AHNAK2: variants seen among roughly 807,000 people sequenced by gnomAD.
AHNAK2 encodes AHNAK nucleoprotein 2.
AHNAK2 carries 18 observed loss-of-function variants against 30.7 expected under a neutral mutation model. The ratio of observed to expected loss-of-function variants is 0.59; its 90% CI spans 0.41 to 0.87. The LOEUF (loss-of-function observed/expected upper bound fraction) is 0.87. Ranked by LOEUF, AHNAK2 falls within the 40% of genes least tolerant of loss-of-function variation. The pLI, the probability that AHNAK2 is intolerant of heterozygous loss-of-function variation, is 0.00. For synonymous variants in AHNAK2, 3,590 were observed against 3,073.8 expected, an observed-to-expected ratio of 1.17 and a Z score of -5.56; for missense variants, 8,604 against 7,373.0, an observed-to-expected ratio of 1.17 and a Z score of -6.11.
At position 104,945,518 on chromosome 14, in the gene AHNAK2, G is replaced by C. The variant is rs1255776931; in HGVS notation, c.9933C>G (p.Pro3311=). The C allele has an allele frequency of 1.9e-6, 3 of 1,612,592 alleles. No individual in the cohort carries two copies. Among genetic ancestry groups the C allele is most frequent in the African/African-American group, 1.3e-5 (1 of 74,524 alleles). ...CCCTGTACGACGGCATCTTGAATTT[G>C]GGCATTTTGAACTTGCTGTCTTTGG... ...VTAKDSKFKM[P]KFKMPSYRAS... is the part of the protein sequence containing the mutation. The change falls in exon 7 of 7, where the codon CCC becomes CCG. Residue 3311 remains proline, a synonymous_variant. Coordinates refer to ENST00000333244, the MANE Select transcript of AHNAK2 (RefSeq NM_138420.4).
At chr14:104,970,716 G>GC (rs1192954642) in intron 1 of AHNAK2, among the ~76,000 whole-genome samples, 49 of 151,860 alleles carry the variant, frequency 3.2e-4, no homozygotes, top group South Asian at 4.2e-4. Context: ...CACCCTGAGT[G>GC]CCCACCCCCA....
Position 104,941,198 on chromosome 14 carries a change from A to T in AHNAK2, c.14253T>A (p.Ala4751=), listed in dbSNP as rs767592304. 2 of 1,613,630 alleles carry T rather than the reference A, an allele frequency of 1.2e-6. No homozygotes were observed. The highest frequency in any genetic ancestry group is 1.7e-6 in the Non-Finnish European group (2 of 1,179,910). Residue 4751 remains alanine (A), a synonymous_variant, in exon 7 of 7, where the codon GCT becomes GCA. Transcript: ENST00000333244. ...GCATCTGCATGGATGGCTCTGAACAAGCCGAAACCTGTTGTAATTCAAAAC... is the reference window on the plus strand; with the variant it reads ...GCATCTGCATGGATGGCTCTGAACATGCCGAAACCTGTTGTAATTCAAAAC... The part of the protein sequence containing the change: ...CSSFELQQVS[A]CSEPSMQMPK...
chr14:104,975,989 C>A (rs939218491), intron 1 of AHNAK2, among the ~76,000 whole-genome samples: 5 of 152,214 alleles, frequency 3.3e-5, no homozygotes, highest in African/African-American at 1.2e-4. Context: ...AGAGAAGAGA[C>A]CACCCACACA....
At position 104,952,816 on chromosome 14, in the gene AHNAK2, T is replaced by A. The variant is rs779600329; in HGVS notation, c.2635A>T (p.Thr879Ser). The A allele has an allele frequency of 1.9e-6, 3 of 1,612,082 alleles. 1 individual carries two copies. In the African/African-American group the frequency reaches 4.0e-5, roughly 22 times the overall value. The change falls in exon 7 of 7, where the codon ACT (threonine) becomes TCT (serine). Residue 879 changes from threonine (T) to serine (S), a missense_variant. Coordinates refer to ENST00000333244, the MANE Select transcript of AHNAK2 (RefSeq NM_138420.4). ...GAAGGGGGCTGAATGCTGAGGTCAG[T>A]GGCCTTGAGGTCCCCCTGCATGGAG... ...LSSMQGDLKATDLSIQPPSAD... is the reference protein window; with the variant it reads ...LSSMQGDLKASDLSIQPPSAD...
intron 1 of AHNAK2, among the ~76,000 whole-genome samples, chr14:104,967,609 G>A (rs112304260): frequency 5.5e-4 from 84 of 152,322 alleles, no homozygotes; most frequent in African/African-American, 1.6e-3. Flanking sequence ...CTCAGCCACC[G>A]CACTGGGAGC....
At position 104,948,111 on chromosome 14, in the gene AHNAK2, G is replaced by C; in HGVS notation, c.7340C>G (p.Pro2447Arg). Residue 2447 changes from proline (P) to arginine (R), a missense_variant, in exon 7 of 7, where the codon CCC (proline) becomes CGC (arginine). Physicochemically the swap from Pro to Arg is moderately radical, Grantham distance 103 (BLOSUM62 -2). Transcript: ENST00000333244. ...VMAPDVEVSQPSVEVDVEAPG... is the reference protein window; with the variant it reads ...VMAPDVEVSQRSVEVDVEAPG... ...GGCCTCGACATCCACCTCCACGCTG[G>C]GCTGAGACACCTCCACGTCGGGGGC... 1 of 1,612,518 alleles carries C rather than the reference G, an allele frequency of 6.2e-7. No homozygotes were observed. The highest frequency in any genetic ancestry group is 8.5e-7 in the Non-Finnish European group (1 of 1,179,604).
In AHNAK2 at chr14:104,954,140, C is replaced by T. The variant is rs201328766; in HGVS notation, c.1311G>A (p.Lys437=). 1 of 1,611,086 alleles carries T rather than the reference C, an allele frequency of 6.2e-7. No homozygotes were observed. Among genetic ancestry groups the T allele is most frequent in the African/African-American group, 1.3e-5 (1 of 75,048 alleles). Residue 437 remains lysine (K), a synonymous_variant, in exon 7 of 7, where the codon AAG becomes AAA. Transcript: ENST00000333244. This position sits in a 1 kb window ranked among gnomAD's most constrained non-coding sequence, Gnocchi z 4.3. ...TTCCAGGAGTTGGCTGGGCCCTGGG[C>T]TTCCTCTGGGCCACTGCTGTCTCCT... ...QAQETAVAQR[K]PRAQPTPGMS... is the part of the protein sequence containing the mutation.
rs776549092 is a variant in AHNAK2 at position 104,952,434 on chromosome 14, G to A, written c.3017C>T (p.Pro1006Leu). The change falls in exon 7 of 7, where the codon CCG becomes CTG. Residue 1006 changes from proline (P) to leucine (L), a missense_variant. By Grantham distance (98) the Pro-to-Leu change is moderately conservative. Coordinates refer to ENST00000333244, the MANE Select transcript of AHNAK2 (RefSeq NM_138420.4). ...SKFKMPKFKM[P>L]SFGVSAPGKS... is the part of the protein sequence containing the mutation. Reference sequence around the variant, plus strand: ...CCCTGGGGCCGATACCCCGAACGACGGCATCTTGAACTTGGGCATTTTGAA... The same window carrying A: ...CCCTGGGGCCGATACCCCGAACGACAGCATCTTGAACTTGGGCATTTTGAA... 1.7e-5 allele frequency: 27 copies of A among 1,612,344 alleles called. No homozygotes were observed. Among genetic ancestry groups the A allele is most frequent in the Middle Eastern group, 1.6e-4 (1 of 6,076 alleles).
Position 104,945,314 on chromosome 14 carries a change from G to T in AHNAK2, c.10137C>A (p.Gly3379=). The T allele has an allele frequency of 6.2e-7, 1 of 1,613,118 alleles. No individual in the cohort carries two copies. The highest frequency in any genetic ancestry group is 8.5e-7 in the Non-Finnish European group (1 of 1,179,616). The change falls in exon 7 of 7, where the codon GGC becomes GGA. Residue 3379 remains glycine (G), a synonymous_variant. Coordinates refer to ENST00000333244, the MANE Select transcript of AHNAK2 (RefSeq NM_138420.4). The part of the protein sequence containing the change: ...AGQVDVKLPE[G]HVPEGAGLKG... ...TGAGGCCAGCTCCCTCGGGCACGTG[G>T]CCCTCCGGGAGCTTCACGTCCACCT...
chr14:104,940,856 G>C lies in AHNAK2; in HGVS notation c.14595C>G (p.Phe4865Leu). ...VSLGQVSFPK[F>L]YKPKFVFSVP... ...CTGAAAACACAAACTTTGGTTTATA[G>C]AATTTAGGAAAAGATACCTGACCAA... The change falls in exon 7 of 7, where the codon TTC becomes TTG. Residue 4865 changes from phenylalanine to leucine, a missense_variant. Physicochemically the swap from Phe to Leu is conservative, Grantham distance 22. Coordinates refer to ENST00000333244, the MANE Select transcript of AHNAK2 (RefSeq NM_138420.4). The surrounding 1 kb of genome is among the most constrained non-coding windows in gnomAD (Gnocchi z 4.4). 2 of 1,613,058 alleles carry C rather than the reference G, an allele frequency of 1.2e-6. No homozygotes were observed. Among genetic ancestry groups the C allele is most frequent in the Non-Finnish European group, 1.7e-6 (2 of 1,179,826 alleles).
rs200970518 is a variant in AHNAK2 at position 104,944,833 on chromosome 14, C to T, written c.10618G>A (p.Glu3540Lys). 170 of 1,611,260 alleles carry T rather than the reference C, an allele frequency of 1.1e-4. 1 individual carries two copies. Among genetic ancestry groups the T allele is most frequent in the African/African-American group, 1.1e-4 (8 of 74,280 alleles). The change falls in exon 7 of 7, where the codon GAA becomes AAA. Residue 3540 changes from glutamate to lysine, a missense_variant. Physicochemically the swap from Glu to Lys is moderately conservative, Grantham distance 56. Coordinates refer to ENST00000333244, the MANE Select transcript of AHNAK2 (RefSeq NM_138420.4). ...TCGGGCACGGGGCCCTCCAGGAGTT[C>T]CACATCCACTTGGACAGCCTGGACC... ...LEVQAVQVDV[E>K]LLEGPVPEGA... is the part of the protein sequence containing the mutation.
chr14:104,948,620 C>G lies in AHNAK2; in HGVS notation c.6831G>C (p.Val2277=), dbSNP rs190332908. 559 of 1,610,412 alleles carry G rather than the reference C, an allele frequency of 3.5e-4. 30 individuals are homozygous for G. The African/African-American group carries it at 6.8e-3, about 20-fold the overall frequency. Residue 2277 remains valine, a synonymous_variant, in exon 7 of 7, where the codon GTG becomes GTC. Transcript: ENST00000333244. ...CCTCCACGCTGGGCAGAGACACCTC[C>G]ACATCAGGGGCTGTCACTTCCACCT... is the stretch of plus-strand genomic sequence containing the variant. The part of the protein sequence containing the change: ...DPKVEVTAPD[V]EVSLPSVEVD...
rs375344284 is a variant in AHNAK2, at chr14:104,946,477, C to A, written c.8974G>T (p.Ala2992Ser). Residue 2992 changes from alanine (A) to serine (S), a missense_variant, in exon 7 of 7, where the codon GCC becomes TCC. Transcript: ENST00000333244. ...KFKMPSFGVS[A>S]PGKSIEVSVD... Reference sequence around the variant, plus strand: ...GAGACCTCAATGGACTTGCCTGGGGCAGACACCCCGAACGACGGCATCTTG... The same window carrying A: ...GAGACCTCAATGGACTTGCCTGGGGAAGACACCCCGAACGACGGCATCTTG... 12 of 1,612,578 alleles carry A rather than the reference C, an allele frequency of 7.4e-6. No homozygotes were observed. The highest frequency in any genetic ancestry group is 5.4e-5 in the African/African-American group (4 of 74,456).
Position 104,954,001 on chromosome 14 carries a change from CCCTAATTT to C in AHNAK2, c.1442_1449del (p.Glu481GlyfsTer26). On this transcript the variant is annotated frameshift_variant, in exon 7 of 7. Transcript: ENST00000333244. LOFTEE classifies it low-confidence loss of function (END_TRUNC). The surrounding 1 kb of genome is among the most constrained non-coding windows in gnomAD (Gnocchi z 4.3). ...GGTGTCTTTAAATCGTGTACTCGCA[CCCTAATTT>C]CTGGTGGGCCAATCTGTGTGCCTCC... The C allele has an allele frequency of 6.2e-7, 1 of 1,613,766 alleles. No individual in the cohort carries two copies. Among genetic ancestry groups the C allele is most frequent in the Non-Finnish European group, 8.5e-7 (1 of 1,179,886 alleles).
At chr14:104,973,961 G>A (rs998559580) in intron 1 of AHNAK2, among the ~76,000 whole-genome samples, 1 of 152,084 alleles carries the variant, frequency 6.6e-6, no homozygotes, top group Admixed American at 6.5e-5. Flanking sequence ...GGGGAGTACC[G>A]CCTCCCGCCC....
In AHNAK2 at chr14:104,939,886, A is replaced by G; in HGVS notation, c.15565T>C (p.Trp5189Arg). The G allele has an allele frequency of 6.2e-7, 1 of 1,613,580 alleles. No homozygotes were observed. Among genetic ancestry groups the G allele is most frequent in the Non-Finnish European group, 8.5e-7 (1 of 1,179,878 alleles). Reference protein sequence around the residue: ...EAMTKYSQESWFKMPKFRMPS... With the variant: ...EAMTKYSQESRFKMPKFRMPS... ...ATGCGGAACTTGGGCATTTTAAACCAGCTTTCCTGCGAGTACTTGGTCATG... is the reference window on the plus strand; with the variant it reads ...ATGCGGAACTTGGGCATTTTAAACCGGCTTTCCTGCGAGTACTTGGTCATG... Residue 5189 changes from tryptophan to arginine, a missense_variant, in exon 7 of 7, where the codon TGG becomes CGG. Transcript: ENST00000333244.
Position 104,937,755 on chromosome 14 carries a change from T to G in AHNAK2, c.*308A>C. 3.1e-6 allele frequency: 1 copy of G among 323,196 alleles called. No homozygotes were observed. The highest frequency in any genetic ancestry group is 2.1e-5 in the African/African-American group (1 of 47,364). The allele number at this position is 323,196 out of a possible 1,614,324, so 20.0% of individuals were successfully genotyped here. A position where few individuals can be genotyped will look rare whatever the true frequency, so the allele number is the denominator to read the frequency against. On this transcript the variant is annotated 3_prime_UTR_variant, in exon 7 of 7. Transcript: ENST00000333244. ...GGTATTATGGACAGGTCTCTGGAAA[T>G]TTATCTAATAAAGACCAACAAACTT...
At chr14:104,967,824 C>T (rs1415902374) in intron 1 of AHNAK2, among the ~76,000 whole-genome samples, 1 of 152,186 alleles carries the variant, frequency 6.6e-6, no homozygotes, top group Non-Finnish European at 1.5e-5. Flanking sequence ...CTCGGACCCG[C>T]GCCAGTCGGG....
In AHNAK2 at chr14:104,942,181, C is replaced by T. The variant is rs138096840; in HGVS notation, c.13270G>A (p.Val4424Met). Residue 4424 changes from valine (V) to methionine (M), a missense_variant, in exon 7 of 7, where the codon GTG becomes ATG. Coordinates refer to ENST00000333244, the MANE Select transcript of AHNAK2 (RefSeq NM_138420.4). ...TCCACCTCCATGCTGGGCAGAGACA[C>T]GTCCAGGTTGGGGGACGTCACCTCC... ...KVEVTSPNLD[V>M]SLPSMEVDIQ... is the part of the protein sequence containing the mutation. The T allele has an allele frequency of 1.6e-4, 262 of 1,612,972 alleles. 1 individual carries two copies. The highest frequency in any genetic ancestry group is 8.3e-4 in the Middle Eastern group (5 of 6,052).
Sources: allele counts gnomAD v4.1 joint callset (sites outside exome capture counted in the v4.1 genomes callset), GRCh38; gene constraint gnomAD v4.1.1; non-coding constraint Gnocchi (gnomAD v3.1); transcripts MANE v1.5; gene names NCBI Gene and HGNC (gene_info 2026-07-23, HGNC 2026-07-21).